RNF17: variants seen among roughly 807,000 people sequenced by gnomAD.
The protein encoded by RNF17 is spermatogenesis associated 23.
A neutral mutation model predicts 200.5 loss-of-function variants in RNF17; 31 were observed. The observed-to-expected ratio is 0.15, with a 90% confidence interval of 0.12 to 0.21. The LOEUF (loss-of-function observed/expected upper bound fraction) is 0.21. RNF17 is among the 10% of genes least tolerant of loss of function. The probability of loss-of-function intolerance (pLI) is 1.00; values close to 1 mark genes in which losing one functional copy is unlikely to be tolerated. For missense variants in RNF17, 1,628 were observed against 1,905.1 expected, an observed-to-expected ratio of 0.85 and a Z score of 2.71; for synonymous variants, 606 against 637.8, an observed-to-expected ratio of 0.95 and a Z score of 0.75.
chr13:24,752,520 A>G, the RNF17 span, among the ~76,000 whole-genome samples: 1 of 152,244 alleles, frequency 6.6e-6, no homozygotes, highest in African/African-American at 2.4e-5. Context: ...TGTGGACTCC[A>G]AAAAGCTTTA....
At position 24,774,799 on chromosome 13, in the gene RNF17, T is replaced by C; in HGVS notation, c.226-14T>C. 1 of 1,570,264 alleles carries C rather than the reference T, an allele frequency of 6.4e-7. No individual in the cohort carries two copies. The highest frequency in any genetic ancestry group is 8.7e-7 in the Non-Finnish European group (1 of 1,146,372). Reference sequence around the variant, plus strand: ...TGGGTGACTTTGTTTTTTTAAACCTTATTTTGTCCTAAGGTTGCTACAGCT... The same window carrying C: ...TGGGTGACTTTGTTTTTTTAAACCTCATTTTGTCCTAAGGTTGCTACAGCT... On this transcript the variant is annotated splice_polypyrimidine_tract_variant and intron_variant, in intron 2 of 35. Coordinates refer to ENST00000255324, the MANE Select transcript of RNF17 (RefSeq NM_031277.3).
intron 15 of RNF17, among the ~76,000 whole-genome samples, chr13:24,818,700 C>T (rs533504217): frequency 2.6e-4 from 39 of 152,236 alleles, no homozygotes; most frequent in Middle Eastern, 6.8e-3. Context: ...GTAAAGCCAT[C>T]TCAGATCTCT....
chr13:24,828,276 G>A (rs1888976848), intron 16 of RNF17, among the ~76,000 whole-genome samples: 1 of 151,986 alleles, frequency 6.6e-6, no homozygotes, highest in African/African-American at 2.4e-5. Flanking sequence ...CTTTTGGGGT[G>A]CTAATAGAAA....
At chr13:24,811,640 G>C (rs1052599249) in intron 15 of RNF17, among the ~76,000 whole-genome samples, 5 of 152,096 alleles carry the variant, frequency 3.3e-5, no homozygotes, top group East Asian at 1.9e-4. Context: ...CTTCTCTCAG[G>C]TCGTCAAAGT....
At position 24,868,270 on chromosome 13, in the gene RNF17, A is replaced by G. The variant is rs889105727; in HGVS notation, c.4162-330A>G. Among the ~76,000 whole-genome samples, 4 of 151,374 alleles carry G rather than the reference A, an allele frequency of 2.6e-5. No homozygotes were observed. In the East Asian group the frequency reaches 7.7e-4, roughly 29 times the overall value. On this transcript the variant is annotated intron_variant, in intron 30 of 35. Coordinates refer to ENST00000255324, the MANE Select transcript of RNF17 (RefSeq NM_031277.3). The stretch of plus-strand genomic sequence containing the variant: ...CGGATCACGAGGTCAGGAGATCGAG[A>G]CCATCCCGGCTAAAACGGTGAAACC...
chr13:24,816,768 G>A (rs943680099), intron 15 of RNF17, among the ~76,000 whole-genome samples: 2 of 152,118 alleles, frequency 1.3e-5, no homozygotes, highest in Non-Finnish European at 2.9e-5. Context: ...GACACAGGTC[G>A]GACAAGAACC....
intron 2 of RNF17, among the ~76,000 whole-genome samples, chr13:24,771,638 C>CTT (rs11361522): frequency 3.6e-5 from 5 of 140,562 alleles, no homozygotes; most frequent in African/African-American, 1.0e-4. Context: ...CTAGGTAGGG[C>CTT]TTTTTTTTTT....
chr13:24,858,888 G>C, intron 25 of RNF17, 113 bp from the exon 26 acceptor site: 1 of 645,476 alleles, frequency 1.5e-6, no homozygotes, highest in South Asian at 2.2e-5. Context: ...TTTTACAAAA[G>C]TTCTGTTTGG....
chr13:24,822,429 GT>G (rs940763957), intron 15 of RNF17, among the ~76,000 whole-genome samples: 146 of 147,194 alleles, frequency 9.9e-4, no homozygotes, highest in Middle Eastern at 6.8e-3. Context: ...TTTTGTTTTT[GT>G]TTTTTTTTTG....
intron 25 of RNF17, among the ~76,000 whole-genome samples, chr13:24,856,236 G>A (rs1256817682): frequency 2.6e-5 from 4 of 151,774 alleles, no homozygotes; most frequent in African/African-American, 9.7e-5. Context: ...CCTGGCCAAT[G>A]TGGTGAAACC....
At chr13:24,808,197 C>T (rs900449305) in intron 15 of RNF17, among the ~76,000 whole-genome samples, 11 of 151,740 alleles carry the variant, frequency 7.2e-5, no homozygotes, top group African/African-American at 2.2e-4. Context: ...TCATTGGTAG[C>T]TTGATGGGGA....
At chr13:24,857,030 T>C (rs1892589411) in intron 25 of RNF17, among the ~76,000 whole-genome samples, 1 of 152,132 alleles carries the variant, frequency 6.6e-6, no homozygotes, top group Non-Finnish European at 1.5e-5. Context: ...TAGATAGATA[T>C]GGACAGGGAG....
intron 29 of RNF17, 69 bp from the exon 30 acceptor site, chr13:24,866,075 A>G: frequency 4.8e-6 from 4 of 835,450 alleles, no homozygotes; most frequent in Non-Finnish European, 2.0e-6. Flanking sequence ...TTTTGTGGGG[A>G]TGAAATATGG....
At chr13:24,840,282 T>C (rs1470591432) in intron 18 of RNF17, among the ~76,000 whole-genome samples, 1 of 152,162 alleles carries the variant, frequency 6.6e-6, no homozygotes, top group East Asian at 1.9e-4. Flanking sequence ...GGCAGGATTG[T>C]AAACTAGTAC....
intron 27 of RNF17, among the ~76,000 whole-genome samples, chr13:24,862,496 C>T (rs1246001047): frequency 6.6e-6 from 1 of 152,032 alleles, no homozygotes; most frequent in African/African-American, 2.4e-5. Flanking sequence ...TCTGGCTGAA[C>T]AGGTTTATAT....
At chr13:24,833,203 C>T (rs183899605) in intron 18 of RNF17, among the ~76,000 whole-genome samples, 18 of 152,134 alleles carry the variant, frequency 1.2e-4, no homozygotes, top group Admixed American at 2.0e-4. Flanking sequence ...TGTGTCCATG[C>T]CTTTCCTTTA....
intron 18 of RNF17, among the ~76,000 whole-genome samples, chr13:24,836,272 G>A (rs559359580): frequency 1.3e-5 from 2 of 152,192 alleles, no homozygotes; most frequent in Admixed American, 1.3e-4. Context: ...GAAGCACAAA[G>A]CTTGGAAAAT....
At chr13:24,862,002 T>C (rs926740675) in intron 27 of RNF17, among the ~76,000 whole-genome samples, 1 of 150,452 alleles carries the variant, frequency 6.6e-6, no homozygotes, top group Non-Finnish European at 1.5e-5. Context: ...CTTCACAAGG[T>C]TGCAGGAGAA....
At chr13:24,863,830 A>G (rs1485807116) in intron 28 of RNF17, among the ~76,000 whole-genome samples, 1 of 152,214 alleles carries the variant, frequency 6.6e-6, no homozygotes, top group East Asian at 1.9e-4. Context: ...GAGACCACGA[A>G]TGTGCATGCC....
Sources: allele counts gnomAD v4.1 joint callset (sites outside exome capture counted in the v4.1 genomes callset), GRCh38; gene constraint gnomAD v4.1.1; transcripts MANE v1.5; gene names NCBI Gene and HGNC (gene_info 2026-07-23, HGNC 2026-07-21).